MRAP: variants seen among roughly 807,000 people sequenced by gnomAD.
MRAP encodes the protein melanocortin-2 receptor accessory protein.
MRAP carries 8 observed loss-of-function variants against 8.7 expected under a neutral mutation model. The ratio of observed to expected loss-of-function variants is 0.92; its 90% CI spans 0.54 to 1.66. The LOEUF is 1.66. Ranked by LOEUF, MRAP falls within the 40% of genes most tolerant of loss-of-function variation. MRAP has a pLI of 0.00. For missense variants in MRAP, 237 were observed against 217.1 expected (o/e 1.09, Z -0.58); for synonymous variants, 95 against 95.5 (o/e 1.00, Z 0.03).
chr21:32,300,595 TCC>T (rs2032244902), intron 1 of MRAP, among the ~76,000 whole-genome samples: 4 of 150,596 alleles, frequency 2.7e-5, no homozygotes, highest in Admixed American at 6.6e-5. Flanking sequence ...GCGTCACACG[TCC>T]TATGTCGGAT....
Position 32,312,242 on chromosome 21 carries a change from T to G in MRAP, c.*246T>G. 9.8e-6 allele frequency: 14 copies of G among 1,427,454 alleles called. No homozygotes were observed. Among genetic ancestry groups the G allele is most frequent in the Non-Finnish European group, 1.3e-5 (14 of 1,094,308 alleles). 88.4% of individuals were successfully genotyped at this position (1,427,454 alleles called of 1,614,324 possible). The stretch of plus-strand genomic sequence containing the variant: ...AGCCTGCTTGCTTACTGCTTATATT[T>G]GCTCAGGGAAGAGTAGGAAAATAAA... On this transcript the variant is annotated 3_prime_UTR_variant, in exon 3 of 3. Coordinates refer to ENST00000303645, the MANE Select transcript of MRAP (RefSeq NM_001379228.1).
intron 1 of MRAP, among the ~76,000 whole-genome samples, chr21:32,304,661 AAAAC>A (rs66603246): frequency 0.78 from 118,013 of 151,080 alleles, 46,735 homozygotes; most frequent in Non-Finnish European, 0.86. Context: ...ACAAACAAAC[AAAAC>A]AAACCAAAAA....
At chr21:32,311,531 T>G in intron 2 of MRAP, 153 bp from the exon 3 acceptor site, 26 of 1,107,394 alleles carry the variant, frequency 2.3e-5, no homozygotes, top group Non-Finnish European at 3.1e-5. Context: ...GCCACCTTTG[T>G]GAGCTGGCTG....
chr21:32,311,867 C>T lies in MRAP; in HGVS notation c.390C>T (p.Thr130=), dbSNP rs17855143. The T allele has an allele frequency of 6.2e-7, 1 of 1,614,154 alleles. No individual in the cohort carries two copies. The highest frequency in any genetic ancestry group is 1.7e-5 in the Admixed American group (1 of 60,032). Residue 130 remains threonine (T), a synonymous_variant, in exon 3 of 3, where the codon ACC becomes ACT. Coordinates refer to ENST00000303645, the MANE Select transcript of MRAP (RefSeq NM_001379228.1). ...CGCTACGACAGGAGAGCTCCTCCAC[C>T]TTGCCCCTCGGGGGTTTCCAGACCC... The part of the protein sequence containing the change: ...DQPLRQESSS[T]LPLGGFQTHP...
At chr21:32,302,351 G>A (rs947520666) in intron 1 of MRAP, among the ~76,000 whole-genome samples, 1 of 152,222 alleles carries the variant, frequency 6.6e-6, no homozygotes, top group South Asian at 2.1e-4. Context: ...TCCAAAAGAA[G>A]AGACCTGTAA....
At chr21:32,296,012 C>T (rs1480069512), upstream of MRAP, among the ~76,000 whole-genome samples, 1 of 151,994 alleles carries the variant, frequency 6.6e-6, no homozygotes, top group Non-Finnish European at 1.5e-5. Context: ...AACAAAAACA[C>T]AGAAATGTAT....
intron 1 of MRAP, among the ~76,000 whole-genome samples, chr21:32,305,454 A>G (rs1218823455): frequency 6.6e-6 from 1 of 152,068 alleles, no homozygotes; most frequent in East Asian, 1.9e-4. Context: ...CACTTTATTC[A>G]TTCTTTCAGT....
intron 2 of MRAP, among the ~76,000 whole-genome samples, chr21:32,307,892 T>G (rs2032458798): frequency 6.6e-6 from 1 of 151,854 alleles, no homozygotes; most frequent in Non-Finnish European, 1.5e-5. Flanking sequence ...AACAAAAAGT[T>G]CTAAAATTAG....
chr21:32,300,581 A>AG (rs1321852855), intron 1 of MRAP, among the ~76,000 whole-genome samples: 1 of 139,884 alleles, frequency 7.1e-6, no homozygotes, highest in South Asian at 2.3e-4. Flanking sequence ...ACGTCATGTC[A>AG]GGGGCGTCAC....
At chr21:32,302,173 A>T (rs772993772) in intron 1 of MRAP, among the ~76,000 whole-genome samples, 1 of 152,232 alleles carries the variant, frequency 6.6e-6, no homozygotes, top group Non-Finnish European at 1.5e-5. Context: ...TAAATTGTGT[A>T]TATCTTTTGA....
At chr21:32,306,392 C>T (rs1016918030) in intron 1 of MRAP, 1 of 521,498 alleles carries the variant, frequency 1.9e-6, no homozygotes, top group Non-Finnish European at 3.5e-6. Flanking sequence ...TCAGTGTTTC[C>T]TCTTAACAAT....
At chr21:32,312,527 C>T (rs56687581), downstream of MRAP, 768 of 185,712 alleles carry the variant, frequency 4.1e-3, 7 homozygotes, top group African/African-American at 0.017. Flanking sequence ...CTTTCAAAGA[C>T]AGAGCCCAAG....
At chr21:32,299,333 C>T (rs946751626) in intron 1 of MRAP, among the ~76,000 whole-genome samples, 1 of 152,072 alleles carries the variant, frequency 6.6e-6, no homozygotes, top group Non-Finnish European at 1.5e-5. Flanking sequence ...TTATTTTTTA[C>T]TTTATTTTAT....
rs1006844968 is a variant in MRAP at position 32,300,672 on chromosome 21, C to T, written c.106+1595C>T. On this transcript the variant is annotated intron_variant, in intron 1 of 2. Coordinates refer to ENST00000303645, the MANE Select transcript of MRAP (RefSeq NM_001379228.1). ...GCCGGGGGCGTCACACGTCCTATGT[C>T]GGATGTGTCACGCGTCCTATGTCAG... Among the ~76,000 whole-genome samples the T allele has an allele frequency of 1.5e-3, 221 of 145,678 alleles. 2 individuals carry two copies. The highest frequency in any genetic ancestry group is 5.4e-3 in the African/African-American group (212 of 39,432).
At chr21:32,296,657 C>A (rs996538301), upstream of MRAP, among the ~76,000 whole-genome samples, 15 of 152,130 alleles carry the variant, frequency 9.9e-5, no homozygotes, top group African/African-American at 3.1e-4. Flanking sequence ...ATGCTGAATA[C>A]TGTAGGCAAT....
chr21:32,291,887 A>T (rs1038278573), intron 1 of MRAP: 1 of 152,138 alleles, frequency 6.6e-6, no homozygotes, highest in East Asian at 1.9e-4. Flanking sequence ...CAATTTTGCT[A>T]TGAATATAAA....
chr21:32,295,315 A>G (rs1306450123), upstream of MRAP, among the ~76,000 whole-genome samples: 1 of 152,122 alleles, frequency 6.6e-6, no homozygotes, highest in Non-Finnish European at 1.5e-5. Context: ...TGGGCTTTAT[A>G]TGTGGGCATA....
At chr21:32,301,376 T>C (rs2032295849) in intron 1 of MRAP, among the ~76,000 whole-genome samples, 2 of 152,214 alleles carry the variant, frequency 1.3e-5, no homozygotes, top group Non-Finnish European at 2.9e-5. Flanking sequence ...GGAAATCTGG[T>C]TGTTTAAATG....
At chr21:32,300,456 TCA>T (rs2032236269) in intron 1 of MRAP, among the ~76,000 whole-genome samples, 1 of 149,568 alleles carries the variant, frequency 6.7e-6, no homozygotes, top group Non-Finnish European at 1.5e-5. Flanking sequence ...GTCAGATGTT[TCA>T]CACGTCTTAT....
Sources: allele counts gnomAD v4.1 joint callset (sites outside exome capture counted in the v4.1 genomes callset), GRCh38; gene constraint gnomAD v4.1.1; transcripts MANE v1.5; gene names NCBI Gene and HGNC (gene_info 2026-07-23, HGNC 2026-07-21).